The following KLHL29 variants were observed in gnomAD, a reference collection of about 807,000 sequenced individuals.
KLHL29 encodes kelch-like protein 29.
Under a neutral mutation model 80.4 loss-of-function variants are expected in KLHL29, and 21 were observed. The observed-to-expected ratio is 0.26, with a 90% confidence interval of 0.19 to 0.38. KLHL29 has a LOEUF of 0.38. Among genes scored for constraint, KLHL29 ranks in the 10% least tolerant of loss-of-function variants. The pLI is 1.00. For missense variants in KLHL29, 867 were observed against 1,223.9 expected, an observed-to-expected ratio of 0.71 and a Z score of 4.35; for synonymous variants, 511 against 526.8, an observed-to-expected ratio of 0.97 and a Z score of 0.41.
At chr2:23,493,110 C>T (rs896841973) in intron 2 of KLHL29, among the ~76,000 whole-genome samples, 1 of 152,210 alleles carries the variant, frequency 6.6e-6, no homozygotes, top group African/African-American at 2.4e-5. Flanking sequence ...CCCTGCCTCC[C>T]GCACAGGAAT....
intron 3 of KLHL29, among the ~76,000 whole-genome samples, chr2:23,566,327 C>T (rs1667588879): frequency 1.3e-5 from 2 of 152,200 alleles, no homozygotes; most frequent in Admixed American, 1.3e-4. Flanking sequence ...CCACGTCCTC[C>T]AGCCCCTCAT....
At chr2:23,445,192 T>C (rs1663636911) in intron 1 of KLHL29, among the ~76,000 whole-genome samples, 1 of 152,250 alleles carries the variant, frequency 6.6e-6, no homozygotes, top group South Asian at 2.1e-4. Context: ...GTCAAAACCA[T>C]ATAATACAGT....
intron 3 of KLHL29, among the ~76,000 whole-genome samples, chr2:23,629,925 C>T (rs149596063): frequency 8.6e-4 from 131 of 152,180 alleles, no homozygotes; most frequent in East Asian, 7.4e-3. Context: ...AGAGGAGACA[C>T]CAGCGAACAG....
chr2:23,662,472 T>C (rs1670438438), intron 5 of KLHL29, among the ~76,000 whole-genome samples: 1 of 152,206 alleles, frequency 6.6e-6, no homozygotes, highest in Admixed American at 6.5e-5. Flanking sequence ...CCTTTGGCCA[T>C]GCGAGGCCTT....
At chr2:23,405,767 C>G (rs17045299) in intron 1 of KLHL29, among the ~76,000 whole-genome samples, 5,844 of 152,268 alleles carry the variant, frequency 0.038, 377 homozygotes, top group African/African-American at 0.13. Flanking sequence ...GTGAGAGTTT[C>G]TGAAGCCAGG....
chr2:23,426,354 T>C (rs1371155663), intron 1 of KLHL29, among the ~76,000 whole-genome samples: 2 of 152,100 alleles, frequency 1.3e-5, no homozygotes, highest in Non-Finnish European at 2.9e-5. Context: ...ACTCATGAGC[T>C]CCCCAGGGCT....
chr2:23,424,392 A>G (rs924516571), intron 1 of KLHL29, among the ~76,000 whole-genome samples: 1 of 152,018 alleles, frequency 6.6e-6, no homozygotes, highest in Non-Finnish European at 1.5e-5. Context: ...TCCTTGGTTC[A>G]CTTTGACTGC....
At chr2:23,423,848 T>G (rs1662924531) in intron 1 of KLHL29, among the ~76,000 whole-genome samples, 1 of 152,148 alleles carries the variant, frequency 6.6e-6, no homozygotes, top group Admixed American at 6.5e-5. Flanking sequence ...CCACCACACA[T>G]ATGAAACAGC....
intron 11 of KLHL29, chr2:23,697,862 C>T (rs1014174893): frequency 3.3e-5 from 5 of 152,166 alleles, no homozygotes; most frequent in African/African-American, 7.2e-5. Context: ...CATCGGCTTC[C>T]GATCATTTGT....
chr2:23,397,313 G>A (rs867820244), intron 1 of KLHL29, among the ~76,000 whole-genome samples: 8 of 152,230 alleles, frequency 5.3e-5, no homozygotes, highest in African/African-American at 1.9e-4. Context: ...CACTGAGTGA[G>A]CAGGGCTTTT....
At chr2:23,690,809 C>T (rs1295772524) in intron 6 of KLHL29, 1 of 152,312 alleles carries the variant, frequency 6.6e-6, no homozygotes, top group Admixed American at 6.5e-5. Context: ...CCTTAGGAGC[C>T]TTTGCAATGG....
intron 4 of KLHL29, 31 bp from the exon 5 acceptor site, chr2:23,642,307 G>A: frequency 7.2e-7 from 1 of 1,394,512 alleles, no homozygotes; most frequent in Non-Finnish European, 9.4e-7. Flanking sequence ...AATGTAACCG[G>A]CAGATGACGT....
intron 2 of KLHL29, among the ~76,000 whole-genome samples, chr2:23,542,293 T>C (rs1031133974): frequency 1.3e-5 from 2 of 152,208 alleles, no homozygotes; most frequent in African/African-American, 4.8e-5. Context: ...GAGGACTTAC[T>C]TTAGTCCCAG....
intron 1 of KLHL29, among the ~76,000 whole-genome samples, chr2:23,422,413 G>A (rs1326991240): frequency 2.6e-5 from 4 of 151,470 alleles, no homozygotes; most frequent in Non-Finnish European, 5.9e-5. Flanking sequence ...ATGTGTCTGT[G>A]TTGTGTGTGT....
chr2:23,697,094 C>T (rs1672008086), intron 11 of KLHL29: 1 of 152,174 alleles, frequency 6.6e-6, no homozygotes, highest in Non-Finnish European at 1.5e-5. Context: ...TTCTTGCCAA[C>T]CCTCTAGAAC....
intron 2 of KLHL29, among the ~76,000 whole-genome samples, chr2:23,533,849 A>G (rs927508382): frequency 1.3e-5 from 2 of 152,102 alleles, no homozygotes; most frequent in African/African-American, 2.4e-5. Context: ...GCTATTTTGT[A>G]TCAATAAGAC....
intron 13 of KLHL29, 92 bp from the exon 14 acceptor site, chr2:23,706,389 G>A: frequency 1.0e-6 from 1 of 999,404 alleles, no homozygotes; most frequent in East Asian, 3.2e-5. Context: ...AAAGGCACAG[G>A]CAGCCTACAA....
chr2:23,547,351 T>G (rs1410885683), intron 2 of KLHL29, among the ~76,000 whole-genome samples: 1 of 152,110 alleles, frequency 6.6e-6, no homozygotes, highest in Non-Finnish European at 1.5e-5. Flanking sequence ...AGAGTTCTGA[T>G]GAAAGATTGG....
chr2:23,629,575 C>T (rs997075373), intron 3 of KLHL29, among the ~76,000 whole-genome samples: 1 of 152,096 alleles, frequency 6.6e-6, no homozygotes, highest in South Asian at 2.1e-4. Context: ...GGGAGGGGGG[C>T]TTGGAGGAAG....
Sources: gnomAD v4.1 joint callset for allele counts (sites outside exome capture counted in the v4.1 genomes callset) on GRCh38, gnomAD v4.1.1 for gene constraint, MANE v1.5 for transcripts, NCBI Gene and HGNC (gene_info 2026-07-23, HGNC 2026-07-21) for gene names.